The following NTM variants were observed in gnomAD, a reference collection of about 807,000 sequenced individuals.
NTM encodes IgLON family member 2.
NTM carries 13 observed loss-of-function variants against 42.1 expected under a neutral mutation model. The observed-to-expected ratio is 0.31, with a 90% CI of 0.20 to 0.49. The LOEUF (loss-of-function observed/expected upper bound fraction) is 0.49. NTM is among the 20% of genes least tolerant of loss of function. The pLI is 0.99. For synonymous variants in NTM, 187 were observed against 179.2 expected (o/e 1.04, Z -0.35); for missense variants, 373 against 452.8 (o/e 0.82, Z 1.60).
chr11:131,721,305 G>T (rs1373380604), intron 1 of NTM, among the ~76,000 whole-genome samples: 1 of 152,076 alleles, frequency 6.6e-6, no homozygotes, highest in Non-Finnish European at 1.5e-5. Context: ...TTGCTTTGGT[G>T]TCAAGAAGAT....
intron 1 of NTM, among the ~76,000 whole-genome samples, chr11:131,816,309 G>A (rs1275846302): frequency 6.6e-6 from 1 of 152,128 alleles, no homozygotes; most frequent in Non-Finnish European, 1.5e-5. Flanking sequence ...TAGCCTGGGA[G>A]TACAATGTCC....
chr11:131,483,374 A>G (rs905103678), intron 1 of NTM, among the ~76,000 whole-genome samples: 1 of 152,204 alleles, frequency 6.6e-6, no homozygotes. Context: ...TCAAGTCTCA[A>G]GAGTGGGCAT....
chr11:131,744,791 C>T (rs1032759371), intron 1 of NTM, among the ~76,000 whole-genome samples: 1 of 152,158 alleles, frequency 6.6e-6, no homozygotes, highest in Non-Finnish European at 1.5e-5. Context: ...CTGGACTCTC[C>T]TTAGCCCCAA....
At chr11:131,513,904 G>C (rs1178083462) in intron 1 of NTM, among the ~76,000 whole-genome samples, 1 of 152,206 alleles carries the variant, frequency 6.6e-6, no homozygotes, top group South Asian at 2.1e-4. Context: ...AGCCCCAGGG[G>C]AAGAGAAGCA....
intron 1 of NTM, among the ~76,000 whole-genome samples, chr11:131,435,836 G>A (rs1317405150): frequency 2.6e-5 from 4 of 152,206 alleles, no homozygotes; most frequent in Admixed American, 6.5e-5. Context: ...GAATAGGAGT[G>A]GTGAAAGAGG....
At chr11:131,559,088 GA>G (rs1450701060) in intron 1 of NTM, among the ~76,000 whole-genome samples, 1 of 152,120 alleles carries the variant, frequency 6.6e-6, no homozygotes, top group Non-Finnish European at 1.5e-5. Flanking sequence ...ATTCATTATG[GA>G]AGACCCGCAA....
intron 1 of NTM, among the ~76,000 whole-genome samples, chr11:131,689,612 G>A (rs1378738695): frequency 1.3e-5 from 2 of 152,182 alleles, no homozygotes; most frequent in African/African-American, 4.8e-5. Context: ...ACAGGTGGAG[G>A]TGAAGTCCTT....
At chr11:131,496,974 G>T (rs1955412128) in intron 1 of NTM, among the ~76,000 whole-genome samples, 1 of 152,180 alleles carries the variant, frequency 6.6e-6, no homozygotes, top group South Asian at 2.1e-4. Context: ...GAACCTAGAT[G>T]GGAGGTGCTG....
intron 1 of NTM, among the ~76,000 whole-genome samples, chr11:131,891,582 G>A (rs1449350834): frequency 1.3e-5 from 2 of 152,160 alleles, no homozygotes; most frequent in African/African-American, 2.4e-5. Flanking sequence ...TGCATAGCAG[G>A]CCTCTGGTTC....
intron 7 of NTM, among the ~76,000 whole-genome samples, chr11:132,318,943 G>A (rs1438228562): frequency 6.6e-6 from 1 of 152,134 alleles, no homozygotes; most frequent in African/African-American, 2.4e-5. Context: ...AGTGAGGGCT[G>A]CATTACTCAC....
intron 1 of NTM, among the ~76,000 whole-genome samples, chr11:131,475,152 G>A (rs1397796300): frequency 6.6e-6 from 1 of 152,068 alleles, no homozygotes; most frequent in Non-Finnish European, 1.5e-5. Flanking sequence ...CAGTTGGCTG[G>A]GCCCGGTTGG....
chr11:131,526,845 CAA>C (rs1006321447), intron 1 of NTM, among the ~76,000 whole-genome samples: 1 of 152,162 alleles, frequency 6.6e-6, no homozygotes, highest in African/African-American at 2.4e-5. Flanking sequence ...GGTGTGGTCA[CAA>C]AAGACTGCTG....
chr11:131,790,330 C>A (rs58089616), intron 1 of NTM, among the ~76,000 whole-genome samples: 4,307 of 152,168 alleles, frequency 0.028, 223 homozygotes, highest in African/African-American at 0.097. Context: ...TGTTTTATTG[C>A]ACCATCATAT....
intron 2 of NTM, among the ~76,000 whole-genome samples, chr11:132,018,251 C>T (rs1384599937): frequency 6.6e-6 from 1 of 151,700 alleles, no homozygotes. Context: ...ATGGGTAGAA[C>T]CTCTAATACA....
At chr11:132,132,504 A>G (rs2067006648) in intron 2 of NTM, among the ~76,000 whole-genome samples, 1 of 152,196 alleles carries the variant, frequency 6.6e-6, no homozygotes, top group South Asian at 2.1e-4. Context: ...ATAAATGTGT[A>G]ATGTTGAACA....
chr11:131,561,940 T>C (rs550740404), intron 1 of NTM, among the ~76,000 whole-genome samples: 87 of 152,374 alleles, frequency 5.7e-4, no homozygotes, highest in African/African-American at 1.9e-3. Context: ...ATGTCCTATT[T>C]AAAGAGAGAA....
intron 1 of NTM, among the ~76,000 whole-genome samples, chr11:131,528,567 ACTT>A (rs2050815095): frequency 6.6e-6 from 1 of 152,190 alleles, no homozygotes; most frequent in African/African-American, 2.4e-5. Context: ...GCCCATGATG[ACTT>A]CTTATTCTGT....
chr11:131,616,423 A>C (rs779227169), intron 1 of NTM, among the ~76,000 whole-genome samples: 5 of 152,208 alleles, frequency 3.3e-5, no homozygotes, highest in Non-Finnish European at 5.9e-5. Flanking sequence ...CAAAGCAGAG[A>C]GGAAGCAATT....
At chr11:131,664,577 C>T (rs1429624162) in intron 1 of NTM, among the ~76,000 whole-genome samples, 1 of 152,070 alleles carries the variant, frequency 6.6e-6, no homozygotes, top group East Asian at 1.9e-4. Flanking sequence ...ATCCCCAGTG[C>T]CAGGTACCAA....
Sources: gnomAD v4.1 joint callset for allele counts (sites outside exome capture counted in the v4.1 genomes callset) on GRCh38, gnomAD v4.1.1 for gene constraint, MANE v1.5 for transcripts, NCBI Gene and HGNC (gene_info 2026-07-23, HGNC 2026-07-21) for gene names.